Variants in ADAMTS19 observed in about 807,000 individuals in gnomAD.
The protein encoded by ADAMTS19 is ADAM metallopeptidase with thrombospondin type 1 motif 19, also known as A disintegrin and metalloproteinase with thrombospondin motifs 19.
Under a neutral mutation model 153.3 loss-of-function variants are expected in ADAMTS19, and 93 were observed. The ratio of observed to expected loss-of-function variants is 0.61; its 90% CI spans 0.51 to 0.72. The LOEUF (loss-of-function observed/expected upper bound fraction) is 0.72. ADAMTS19 is among the 30% of genes least tolerant of loss of function. The pLI, the probability that ADAMTS19 is intolerant of heterozygous loss-of-function variation, is 0.00. For missense variants in ADAMTS19, 1,482 were observed against 1,552.1 expected, an observed-to-expected ratio of 0.95 and a Z score of 0.76; for synonymous variants, 600 against 556.6, an observed-to-expected ratio of 1.08 and a Z score of -1.10.
intron 1 of ADAMTS19, 75 bp downstream of exon 1, chr5:129,460,557 G>A: frequency 1.3e-6 from 2 of 1,556,230 alleles, no homozygotes; most frequent in Non-Finnish European, 1.8e-6. Flanking sequence ...GGTCGGCAGG[G>A]CTGGTGCAAC....
intron 11 of ADAMTS19, among the ~76,000 whole-genome samples, chr5:129,644,828 A>G (rs1041865306): frequency 3.3e-5 from 5 of 152,234 alleles, no homozygotes; most frequent in African/African-American, 4.8e-5. Flanking sequence ...GAAGGATTCT[A>G]TGTAATATAT....
At chr5:129,570,162 TA>T (rs1477997331) in intron 7 of ADAMTS19, among the ~76,000 whole-genome samples, 1 of 151,768 alleles carries the variant, frequency 6.6e-6, no homozygotes, top group African/African-American at 2.4e-5. Context: ...GAATTGTGAG[TA>T]AAATTTCAAA....
chr5:129,675,184 C>T (rs1754500513), intron 16 of ADAMTS19, among the ~76,000 whole-genome samples: 1 of 151,972 alleles, frequency 6.6e-6, no homozygotes, highest in African/African-American at 2.4e-5. Context: ...ATTGTTATTC[C>T]CTATTATTGG....
chr5:129,695,296 C>A (rs1755504332), intron 19 of ADAMTS19, among the ~76,000 whole-genome samples: 1 of 152,140 alleles, frequency 6.6e-6, no homozygotes, highest in Admixed American at 6.6e-5. Context: ...TGGCTAAATT[C>A]TCACTTCCTA....
intron 16 of ADAMTS19, among the ~76,000 whole-genome samples, chr5:129,668,700 G>A (rs369477041): frequency 6.6e-6 from 1 of 152,040 alleles, no homozygotes; most frequent in East Asian, 1.9e-4. Flanking sequence ...AGCATTCATA[G>A]GTTCCAAGGA....
At chr5:129,531,971 GA>G (rs1275070929) in intron 6 of ADAMTS19, among the ~76,000 whole-genome samples, 2 of 151,726 alleles carry the variant, frequency 1.3e-5, no homozygotes, top group Non-Finnish European at 2.9e-5. Flanking sequence ...ACACCTTTGC[GA>G]AAAAAATGAG....
intron 3 of ADAMTS19, among the ~76,000 whole-genome samples, chr5:129,519,254 G>A (rs923192152): frequency 2.0e-5 from 3 of 152,110 alleles, no homozygotes; most frequent in Non-Finnish European, 4.4e-5. Flanking sequence ...CCCAGGGGAT[G>A]TCTGGAAATG....
intron 7 of ADAMTS19, among the ~76,000 whole-genome samples, chr5:129,575,937 A>G (rs187468938): frequency 5.9e-5 from 9 of 151,904 alleles, no homozygotes; most frequent in Middle Eastern, 3.4e-3. Context: ...TAAGATGTGA[A>G]TGTGAAGTAG....
At position 129,710,175 on chromosome 5, in the gene ADAMTS19, A is replaced by G. The variant is rs1756377531; in HGVS notation, c.3312+5784A>G. The stretch of plus-strand genomic sequence containing the variant: ...TGTGTGTTGTTCCTCTCCCTGGTCC[A>G]TGTGTTCTCATTGTTCATCTCCTGC... On this transcript the variant is annotated intron_variant, in intron 21 of 22. Coordinates refer to ENST00000274487, the MANE Select transcript of ADAMTS19 (RefSeq NM_133638.6). Among the ~76,000 whole-genome samples, 3 of 152,118 alleles carry G rather than the reference A, an allele frequency of 2.0e-5. No homozygotes were observed. The South Asian group carries it at 6.2e-4, about 32-fold the overall frequency.
At chr5:129,643,367 C>CA (rs556007087) in intron 11 of ADAMTS19, among the ~76,000 whole-genome samples, 3,943 of 40,326 alleles carry the variant, frequency 0.098, 134 homozygotes, top group African/African-American at 0.16. Context: ...GTTTCAAAGA[C>CA]AAAAAAAAAA....
intron 8 of ADAMTS19, among the ~76,000 whole-genome samples, chr5:129,601,530 T>G (rs1750649435): frequency 6.6e-6 from 1 of 152,174 alleles, no homozygotes; most frequent in South Asian, 2.1e-4. Context: ...CTGAGTTGAT[T>G]TGCTAGCATA....
intron 21 of ADAMTS19, among the ~76,000 whole-genome samples, chr5:129,732,402 T>C (rs1757477640): frequency 6.6e-6 from 1 of 152,052 alleles, no homozygotes; most frequent in African/African-American, 2.4e-5. Context: ...TTGCTGATAA[T>C]AAGTTTGTAT....
At chr5:129,545,077 C>A (rs1448024668) in intron 6 of ADAMTS19, among the ~76,000 whole-genome samples, 1 of 151,724 alleles carries the variant, frequency 6.6e-6, no homozygotes, top group Non-Finnish European at 1.5e-5. Context: ...ATTGTAAGAA[C>A]CCAGAGGCAT....
At chr5:129,479,412 A>G (rs1442639345) in intron 2 of ADAMTS19, among the ~76,000 whole-genome samples, 1 of 152,204 alleles carries the variant, frequency 6.6e-6, no homozygotes, top group Non-Finnish European at 1.5e-5. Flanking sequence ...TTATCACGTT[A>G]GGGAGATTTC....
chr5:129,729,296 G>C (rs1270164628), intron 21 of ADAMTS19, among the ~76,000 whole-genome samples: 1 of 151,786 alleles, frequency 6.6e-6, no homozygotes, highest in Non-Finnish European at 1.5e-5. Context: ...AAAGATATTT[G>C]ATTATTCAAT....
intron 14 of ADAMTS19, among the ~76,000 whole-genome samples, chr5:129,657,947 A>AT (rs887675327): frequency 2.6e-5 from 4 of 152,092 alleles, no homozygotes; most frequent in Admixed American, 1.3e-4. Flanking sequence ...TCTCAATAAT[A>AT]TTTTTTCCAA....
intron 6 of ADAMTS19, among the ~76,000 whole-genome samples, chr5:129,541,108 G>T (rs189389941): frequency 6.6e-6 from 1 of 151,916 alleles, no homozygotes; most frequent in Non-Finnish European, 1.5e-5. Flanking sequence ...TTATAATGCT[G>T]CTGACAATTT....
intron 3 of ADAMTS19, among the ~76,000 whole-genome samples, chr5:129,525,547 C>G (rs567735868): frequency 1.3e-5 from 2 of 151,932 alleles, no homozygotes; most frequent in Non-Finnish European, 2.9e-5. Context: ...AGTATTGCAA[C>G]TATCTTCTGT....
intron 21 of ADAMTS19, among the ~76,000 whole-genome samples, chr5:129,710,475 C>T (rs1756396596): frequency 6.6e-6 from 1 of 151,762 alleles, no homozygotes; most frequent in African/African-American, 2.4e-5. Flanking sequence ...TTTATGCAGC[C>T]AACAAACATG....
Sources: allele counts gnomAD v4.1 joint callset (sites outside exome capture counted in the v4.1 genomes callset), GRCh38; gene constraint gnomAD v4.1.1; transcripts MANE v1.5; gene names NCBI Gene and HGNC (gene_info 2026-07-23, HGNC 2026-07-21).